The following ASCL3 variants were observed in gnomAD, a reference collection of about 807,000 sequenced individuals.
The protein encoded by ASCL3 is achaete-scute homolog 3.
ASCL3 carries 1 observed loss-of-function variant against 2.3 expected under a neutral mutation model. The observed-to-expected ratio is 0.44, with a 90% confidence interval of 0.16 to 2.10. The LOEUF is 2.10. ASCL3 is among the 30% of genes most tolerant of loss of function. The probability of loss-of-function intolerance (pLI) is 0.28; values close to 1 mark genes in which losing one functional copy is unlikely to be tolerated. For missense variants in ASCL3, 243 were observed against 229.0 expected (o/e 1.06, Z -0.40); for synonymous variants, 98 against 88.5 (o/e 1.11, Z -0.60).
At chr11:8,942,784 A>C (rs1172643689) in intron 1 of ASCL3, among the ~76,000 whole-genome samples, 1 of 152,164 alleles carries the variant, frequency 6.6e-6, no homozygotes, top group Non-Finnish European at 1.5e-5. Context: ...CTTCCAAATC[A>C]AAACTCCTTC....
chr11:8,937,768 C>T lies in ASCL3; in HGVS notation c.394G>A (p.Val132Met). Residue 132 changes from valine (V) to methionine (M), a missense_variant, in exon 2 of 2, where the codon GTG becomes ATG. Coordinates refer to ENST00000531618, the MANE Select transcript of ASCL3 (RefSeq NM_020646.3). ...TTGATCGCAGCTCTGAGGGTTTCCACTTTGCTGAGTCGCTTCTCCAAATAC... is the reference window on the plus strand; with the variant it reads ...TTGATCGCAGCTCTGAGGGTTTCCATTTTGCTGAGTCGCTTCTCCAAATAC... Reference protein sequence around the residue: ...EEYLEKRLSKVETLRAAIKYI... With the variant: ...EEYLEKRLSKMETLRAAIKYI... The T allele has an allele frequency of 1.2e-6, 2 of 1,614,090 alleles. No individual in the cohort carries two copies. The highest frequency in any genetic ancestry group is 1.7e-6 in the Non-Finnish European group (2 of 1,179,992).
intron 1 of ASCL3, among the ~76,000 whole-genome samples, chr11:8,939,714 G>A (rs1386765132): frequency 2.6e-5 from 4 of 152,122 alleles, no homozygotes; most frequent in African/African-American, 9.7e-5. Context: ...ATATATGCAA[G>A]GGAAATTATG....
At chr11:8,940,130 A>C (rs1589939566) in intron 1 of ASCL3, among the ~76,000 whole-genome samples, 1 of 144,702 alleles carries the variant, frequency 6.9e-6, no homozygotes. Flanking sequence ...GGTGTGCACT[A>C]CCATGCCTGG....
chr11:8,941,742 T>A (rs777452043), intron 1 of ASCL3, among the ~76,000 whole-genome samples: 3 of 152,042 alleles, frequency 2.0e-5, no homozygotes, highest in Non-Finnish European at 2.9e-5. Flanking sequence ...TGACCTAAGA[T>A]AACTAACAAA....
At position 8,941,239 on chromosome 11, in the gene ASCL3, A is replaced by G. The variant is rs1416062538; in HGVS notation, c.-13+1747T>C. Among the ~76,000 whole-genome samples the G allele has an allele frequency of 2.6e-5, 4 of 152,086 alleles. No homozygotes were observed. In the East Asian group the frequency reaches 7.7e-4, roughly 29 times the overall value. On this transcript the variant is annotated intron_variant, in intron 1 of 1. Coordinates refer to ENST00000531618, the MANE Select transcript of ASCL3 (RefSeq NM_020646.3). Reference sequence around the variant, plus strand: ...TGAAGTCTAATTGTGGGCCTCCATCAAAGAAGGAAATATGGTGTTAATTTC... The same window carrying G: ...TGAAGTCTAATTGTGGGCCTCCATCGAAGAAGGAAATATGGTGTTAATTTC...
chr11:8,938,729 A>T (rs990144213), intron 1 of ASCL3, among the ~76,000 whole-genome samples: 6 of 151,792 alleles, frequency 4.0e-5, no homozygotes, highest in Non-Finnish European at 7.4e-5. Context: ...TTCTTTTTCA[A>T]TCCTTGTGGT....
intron 1 of ASCL3, among the ~76,000 whole-genome samples, chr11:8,938,960 C>T (rs1445892832): frequency 5.3e-5 from 8 of 151,818 alleles, no homozygotes; most frequent in African/African-American, 9.7e-5. Flanking sequence ...GCCATCACCA[C>T]GCCTGGCTAA....
At chr11:8,941,332 CACACACACAT>C (rs1203895169) in intron 1 of ASCL3, among the ~76,000 whole-genome samples, 3 of 110,444 alleles carry the variant, frequency 2.7e-5, no homozygotes, top group Non-Finnish European at 6.5e-5. Flanking sequence ...ATACTAAACA[CACACACACAT>C]ACACACACAC....
intron 1 of ASCL3, among the ~76,000 whole-genome samples, chr11:8,940,350 C>T (rs375699673): frequency 4.5e-4 from 69 of 152,216 alleles, no homozygotes; most frequent in South Asian, 2.3e-3. Context: ...TCCACACCAA[C>T]GCATTTCTTC....
rs777974131 is a variant in ASCL3 at position 8,938,115 on chromosome 11, A to T, written c.47T>A (p.Ile16Asn). 6.2e-7 allele frequency: 1 copy of T among 1,612,156 alleles called. No homozygotes were observed. Among genetic ancestry groups the T allele is most frequent in the South Asian group, 1.1e-5 (1 of 90,870 alleles). The change falls in exon 2 of 2, where the codon ATC becomes AAC. Residue 16 changes from isoleucine (I) to asparagine (N), a missense_variant. Transcript: ENST00000531618. ...TGGCAAGCGGGCAGAATCAGGGAAGATAGGAAGTTTGTCAGGTAGACTAGA... is the reference window on the plus strand; with the variant it reads ...TGGCAAGCGGGCAGAATCAGGGAAGTTAGGAAGTTTGTCAGGTAGACTAGA... ...GNSSLPDKLP[I>N]FPDSARLPLT...
At chr11:8,938,738 G>A (rs913518291) in intron 1 of ASCL3, among the ~76,000 whole-genome samples, 7 of 151,056 alleles carry the variant, frequency 4.6e-5, no homozygotes, top group South Asian at 4.2e-4. Flanking sequence ...AATCCTTGTG[G>A]TTATAAAGAT....
Position 8,938,185 on chromosome 11 carries a change from A to C in ASCL3, c.-12-12T>G. Reference sequence around the variant, plus strand: ...ATTTCCTCTTTAACCTGCAAACATAACCAAGTTTAACAATGTGGTCAGATA... The same window carrying C: ...ATTTCCTCTTTAACCTGCAAACATACCCAAGTTTAACAATGTGGTCAGATA... On this transcript the variant is annotated splice_polypyrimidine_tract_variant and intron_variant, in intron 1 of 1. Transcript: ENST00000531618. 1 of 1,551,334 alleles carries C rather than the reference A, an allele frequency of 6.4e-7. No individual in the cohort carries two copies. Among genetic ancestry groups the C allele is most frequent in the South Asian group, 1.2e-5 (1 of 81,324 alleles).
intron 1 of ASCL3, among the ~76,000 whole-genome samples, chr11:8,941,210 A>G (rs1853689416): frequency 6.6e-6 from 1 of 152,104 alleles, no homozygotes; most frequent in African/African-American, 2.4e-5. Context: ...AAGGGAAAGC[A>G]GCTTGAAGTC....
In ASCL3 at chr11:8,937,897, A is replaced by C; in HGVS notation, c.265T>G (p.Ser89Ala). 1.9e-6 allele frequency: 3 copies of C among 1,614,090 alleles called. No individual in the cohort carries two copies. The highest frequency in any genetic ancestry group is 2.5e-6 in the Non-Finnish European group (3 of 1,179,992). The change falls in exon 2 of 2, where the codon TCC (serine) becomes GCC (alanine). Residue 89 changes from serine (S) to alanine (A), a missense_variant. Transcript: ENST00000531618. ...TTCCGGGTGAAGGCTGGCCCGTAGG[A>C]GTACTCGCACCCTCTGTAATTTGGA... ...PYPNYRGCEY[S>A]YGPAFTRKRN...
chr11:8,942,736 G>A (rs1247585122), intron 1 of ASCL3, among the ~76,000 whole-genome samples: 2 of 152,290 alleles, frequency 1.3e-5, no homozygotes, highest in South Asian at 2.1e-4. Flanking sequence ...AGGTTACAAA[G>A]CTAGTAGCAG....
Position 8,937,627 on chromosome 11 carries a change from T to G in ASCL3, c.535A>C (p.Arg179=). 1 of 1,610,316 alleles carries G rather than the reference T, an allele frequency of 6.2e-7. No individual in the cohort carries two copies. The highest frequency in any genetic ancestry group is 8.5e-7 in the Non-Finnish European group (1 of 1,177,926). The change falls in exon 2 of 2, where the codon AGA becomes CGA. Residue 179 remains arginine (R), a synonymous_variant. Coordinates refer to ENST00000531618, the MANE Select transcript of ASCL3 (RefSeq NM_020646.3). Reference sequence around the variant, plus strand: ...TTGGAAACAGCAACTCAAACAATTCTGAACATAGGGTCAGCATGGTGGCTG... The same window carrying G: ...TTGGAAACAGCAACTCAAACAATTCGGAACATAGGGTCAGCATGGTGGCTG... ...TTSHHADPMF[R]IV is the part of the protein sequence containing the mutation.
At chr11:8,938,799 CTT>C (rs566272891) in intron 1 of ASCL3, among the ~76,000 whole-genome samples, 121 of 130,274 alleles carry the variant, frequency 9.3e-4, no homozygotes, top group African/African-American at 2.9e-3. Context: ...CACTAGAATT[CTT>C]TTTTTTTTTT....
In ASCL3 at chr11:8,937,852, G is replaced by A; in HGVS notation, c.310C>T (p.Gln104Ter). The change falls in exon 2 of 2, where the codon CAG becomes TAG. Residue 104 changes from glutamine to a stop codon, truncating the protein, a stop_gained. Transcript: ENST00000531618. LOFTEE classifies it high-confidence loss of function. ...CCTTCATTGACACATTTCACCCGCT[G>A]CCTTTCCCGCTCATTCCTTTTCCGG... ...FTRKRNERER[Q>*]RVKCVNEGYA... 3 of 1,614,140 alleles carry A rather than the reference G, an allele frequency of 1.9e-6. No homozygotes were observed. Among genetic ancestry groups the A allele is most frequent in the Non-Finnish European group, 2.5e-6 (3 of 1,179,994 alleles).
At chr11:8,938,817 T>TC (rs1348473773) in intron 1 of ASCL3, among the ~76,000 whole-genome samples, 1 of 147,784 alleles carries the variant, frequency 6.8e-6, no homozygotes, top group African/African-American at 2.6e-5. Context: ...TTTTTTTTTT[T>TC]CCTTTGAGAC....
Sources: gnomAD v4.1 joint callset for allele counts (sites outside exome capture counted in the v4.1 genomes callset) on GRCh38, gnomAD v4.1.1 for gene constraint, MANE v1.5 for transcripts, NCBI Gene and HGNC (gene_info 2026-07-23, HGNC 2026-07-21) for gene names.